Variants in CALU observed in about 807,000 individuals in gnomAD.
CALU encodes the protein IEF SSP 9302.
Under a neutral mutation model 37.5 loss-of-function variants are expected in CALU, and 13 were observed. The observed-to-expected ratio is 0.35, with a 90% CI of 0.23 to 0.55. The LOEUF is 0.55. CALU is among the 20% of genes least tolerant of loss of function. The pLI, the probability that CALU is intolerant of heterozygous loss-of-function variation, is 0.89. For synonymous variants in CALU, 114 were observed against 133.8 expected (o/e 0.85, Z 1.02); for missense variants, 282 against 391.7 (o/e 0.72, Z 2.36).
At chr7:128,757,591 C>T (rs1393702273) in intron 3 of CALU, among the ~76,000 whole-genome samples, 1 of 151,958 alleles carries the variant, frequency 6.6e-6, no homozygotes, top group Admixed American at 6.6e-5. Flanking sequence ...TTAAAGGGGC[C>T]CTGTGGGTCT....
Position 128,766,425 on chromosome 7 carries a change from C to CTTTTTTTT in CALU, c.644-1017_644-1010dup, listed in dbSNP as rs11288081. Among the ~76,000 whole-genome samples, 6 of 94,976 alleles carry CTTTTTTTT rather than the reference C, an allele frequency of 6.3e-5. No individual in the cohort carries two copies. In the East Asian group the frequency reaches 1.7e-3, roughly 27 times the overall value. 62.3% of individuals were successfully genotyped at this position (94,976 alleles called of 152,430 possible). A position where few individuals can be genotyped will look rare whatever the true frequency, so the allele number is the denominator to read the frequency against. ...AAGACTGACACTAGTATTTCTTTTT[C>CTTTTTTTT]TTTTTTTTTTTTTTTTTTTTTGAGA... On this transcript the variant is annotated intron_variant, in intron 5 of 6. Coordinates refer to ENST00000249364, the MANE Select transcript of CALU (RefSeq NM_001219.5).
chr7:128,765,437 A>G (rs970453374), intron 5 of CALU, among the ~76,000 whole-genome samples: 3 of 152,198 alleles, frequency 2.0e-5, no homozygotes, highest in Non-Finnish European at 2.9e-5. Flanking sequence ...GCTGATCTCA[A>G]ACTCACAAGT....
intron 1 of CALU, among the ~76,000 whole-genome samples, chr7:128,745,339 G>A (rs1194954102): frequency 6.6e-6 from 1 of 152,082 alleles, no homozygotes; most frequent in Non-Finnish European, 1.5e-5. Context: ...TTGTTTATAG[G>A]CTGGGTATGG....
Position 128,772,384 on chromosome 7 carries a change from T to C in CALU, c.*3217T>C. The C allele has an allele frequency of 3.6e-6, 3 of 830,694 alleles. No homozygotes were observed. Among genetic ancestry groups the C allele is most frequent in the Non-Finnish European group, 3.9e-6 (2 of 515,126 alleles). 51.5% of individuals were successfully genotyped at this position (830,694 alleles called of 1,614,324 possible). ...AGTAGCTTTGTAGGCAAGAAGGCAA[T>C]AGTAAGAAAATGAAAAATTGACTCC... On this transcript the variant is annotated 3_prime_UTR_variant, in exon 7 of 7. Transcript: ENST00000249364.
In CALU at chr7:128,772,613, T is replaced by C; in HGVS notation, c.*3446T>C. Reference sequence around the variant, plus strand: ...CTGGGAGCTGCATGTGTCGGATTCATCTGTCATGGCCTTCCCACACACCAT... The same window carrying C: ...CTGGGAGCTGCATGTGTCGGATTCACCTGTCATGGCCTTCCCACACACCAT... On this transcript the variant is annotated 3_prime_UTR_variant, in exon 7 of 7. Coordinates refer to ENST00000249364, the MANE Select transcript of CALU (RefSeq NM_001219.5). 2 of 1,614,168 alleles carry C rather than the reference T, an allele frequency of 1.2e-6. No homozygotes were observed. The highest frequency in any genetic ancestry group is 1.7e-6 in the Non-Finnish European group (2 of 1,180,012).
rs916479852 is a variant in CALU at position 128,771,058 on chromosome 7, G to C, written c.*1891G>C. ...GTAATGGAAATTTCCTGCCCTCTGG[G>C]TTCCCCATTTTTACTATTAAGAAGA... is the stretch of plus-strand genomic sequence containing the variant. On this transcript the variant is annotated 3_prime_UTR_variant, in exon 7 of 7. Coordinates refer to ENST00000249364, the MANE Select transcript of CALU (RefSeq NM_001219.5). 3.9e-5 allele frequency: 6 copies of C among 152,510 alleles called. No homozygotes were observed. Among genetic ancestry groups the C allele is most frequent in the African/African-American group, 1.4e-4 (6 of 41,404 alleles). 9.4% of individuals were successfully genotyped at this position (152,510 alleles called of 1,614,324 possible). A position where few individuals can be genotyped will look rare whatever the true frequency, so the allele number is the denominator to read the frequency against.
At chr7:128,753,277 G>T (rs1482119513) in intron 2 of CALU, among the ~76,000 whole-genome samples, 2 of 152,234 alleles carry the variant, frequency 1.3e-5, no homozygotes, top group African/African-American at 4.8e-5. Flanking sequence ...ACTATACCAA[G>T]ATTTCTCTTC....
At position 128,754,313 on chromosome 7, in the gene CALU, T is replaced by A; in HGVS notation, c.273T>A (p.Asp91Glu). The change falls in exon 3 of 7, where the codon GAT becomes GAA. Residue 91 changes from aspartate to glutamate, a missense_variant. By Grantham distance (45) the Asp-to-Glu change is conservative. Coordinates refer to ENST00000249364, the MANE Select transcript of CALU (RefSeq NM_001219.5). ...DGDKDGFVTV[D>E]ELKDWIKFAQ... ...ACAAGGACGGGTTTGTCACTGTGGATGAGCTCAAAGACTGGATTAAATTTG... is the reference window on the plus strand; with the variant it reads ...ACAAGGACGGGTTTGTCACTGTGGAAGAGCTCAAAGACTGGATTAAATTTG... 1.2e-6 allele frequency: 2 copies of A among 1,613,904 alleles called. No homozygotes were observed.
chr7:128,772,941 C>T lies in CALU; in HGVS notation c.*3774C>T, dbSNP rs1400934316. On this transcript the variant is annotated 3_prime_UTR_variant, in exon 7 of 7. Coordinates refer to ENST00000249364, the MANE Select transcript of CALU (RefSeq NM_001219.5). ...AAAGCACTGTCAGCAGAGGCCCCTC[C>T]ATTACTAGCAGGTGCTCCCAGCTGG... is the stretch of plus-strand genomic sequence containing the variant. Among the ~76,000 whole-genome samples, 6 of 152,232 alleles carry T rather than the reference C, an allele frequency of 3.9e-5. No individual in the cohort carries two copies. The highest frequency in any genetic ancestry group is 7.3e-5 in the Non-Finnish European group (5 of 68,040).
At chr7:128,752,253 G>A (rs1800704924) in intron 2 of CALU, among the ~76,000 whole-genome samples, 1 of 151,924 alleles carries the variant, frequency 6.6e-6, no homozygotes, top group African/African-American at 2.4e-5. Flanking sequence ...CTATATTTCT[G>A]TTTAAGTAAA....
chr7:128,755,464 C>G (rs952752827), intron 3 of CALU, among the ~76,000 whole-genome samples: 2 of 152,004 alleles, frequency 1.3e-5, no homozygotes, highest in African/African-American at 4.8e-5. Flanking sequence ...GGTGAGAAGT[C>G]TTAATAAAAT....
chr7:128,764,316 G>A (rs1390526347), intron 5 of CALU, among the ~76,000 whole-genome samples: 4 of 151,946 alleles, frequency 2.6e-5, no homozygotes, highest in East Asian at 1.9e-4. Flanking sequence ...GCGTGTGCCT[G>A]TAGTCCCAGC....
At chr7:128,762,359 G>T (rs75619773) in intron 5 of CALU, among the ~76,000 whole-genome samples, 141 of 148,862 alleles carry the variant, frequency 9.5e-4, no homozygotes, top group African/African-American at 3.4e-3. Context: ...ACTATCTTGT[G>T]CATGTGTGCT....
intron 6 of CALU, 35 bp from the exon 7 acceptor site, chr7:128,769,028 G>T (rs754566006): frequency 3.3e-6 from 4 of 1,194,562 alleles, no homozygotes; most frequent in Non-Finnish European, 5.0e-6. Context: ...TGGGAAATAT[G>T]TTCTTCTTCA....
At chr7:128,749,313 G>T (rs1321027116) in intron 2 of CALU, among the ~76,000 whole-genome samples, 1 of 152,074 alleles carries the variant, frequency 6.6e-6, no homozygotes, top group Admixed American at 6.6e-5. Context: ...AACCAACTTT[G>T]TCTTTTAGAA....
In CALU at chr7:128,759,858, T is replaced by C; in HGVS notation, c.643+6T>C. The C allele has an allele frequency of 7.6e-7, 1 of 1,307,496 alleles. No homozygotes were observed. The highest frequency in any genetic ancestry group is 1.1e-6 in the Non-Finnish European group (1 of 901,518). 81.0% of individuals were successfully genotyped at this position (1,307,496 alleles called of 1,614,324 possible). ...TGATCTAGAAGAGTATATTGGTAAGTCTCTGCTTTTAGTGTTTTTCTTAGA... is the reference window on the plus strand; with the variant it reads ...TGATCTAGAAGAGTATATTGGTAAGCCTCTGCTTTTAGTGTTTTTCTTAGA... On this transcript the variant is annotated splice_donor_region_variant and intron_variant, in intron 5 of 6. Transcript: ENST00000249364.
intron 3 of CALU, chr7:128,754,671 G>T: frequency 6.4e-7 from 1 of 1,552,190 alleles, no homozygotes; most frequent in Non-Finnish European, 8.7e-7. Context: ...GAATCAAGAC[G>T]GCTTAATCTC....
chr7:128,759,928 T>A lies in CALU; in HGVS notation c.643+76T>A, dbSNP rs548617891. ...AGGTGTATTTGCTGGCTGGGCACAGTGGCTCATGCCTGTAATCCCAACACT... is the reference window on the plus strand; with the variant it reads ...AGGTGTATTTGCTGGCTGGGCACAGAGGCTCATGCCTGTAATCCCAACACT... On this transcript the variant is annotated intron_variant, in intron 5 of 6. Transcript: ENST00000249364. The A allele has an allele frequency of 2.2e-4, 181 of 834,614 alleles. 1 individual carries two copies. The Admixed American group carries it at 3.1e-3, about 14-fold the overall frequency. 51.7% of individuals were successfully genotyped at this position (834,614 alleles called of 1,614,324 possible).
At chr7:128,757,756 T>C (rs1476050246) in intron 3 of CALU, among the ~76,000 whole-genome samples, 9 of 152,192 alleles carry the variant, frequency 5.9e-5, no homozygotes, top group Non-Finnish European at 1.3e-4. Flanking sequence ...TGAAAAAGAA[T>C]TTTATTTTCT....
Sources: allele counts gnomAD v4.1 joint callset (sites outside exome capture counted in the v4.1 genomes callset), GRCh38; gene constraint gnomAD v4.1.1; transcripts MANE v1.5; gene names NCBI Gene and HGNC (gene_info 2026-07-23, HGNC 2026-07-21).